The following ATP2C2 variants were observed in gnomAD, a reference collection of about 807,000 sequenced individuals.
The protein encoded by ATP2C2 is ATPase secretory pathway Ca2+ transporting 2, also known as calcium-transporting ATPase type 2C member 2.
A neutral mutation model predicts 110.8 loss-of-function variants in ATP2C2; 171 were observed. That is an observed-to-expected ratio of 1.54 (90% confidence interval 1.36 to 1.75). The LOEUF (loss-of-function observed/expected upper bound fraction) is 1.75, where lower values mean the gene tolerates loss of function less well. Ranked by LOEUF, ATP2C2 falls within the 40% of genes most tolerant of loss-of-function variation. The pLI is 0.00. For missense variants in ATP2C2, 1,963 were observed against 1,235.0 expected (o/e 1.59, Z -8.84); for synonymous variants, 804 against 508.4 (o/e 1.58, Z -7.82).
chr16:84,376,600 C>T lies in ATP2C2; in HGVS notation c.99+7886C>T, dbSNP rs112135612. Among the ~76,000 whole-genome samples the T allele has an allele frequency of 4.1e-3, 614 of 151,586 alleles. 4 individuals are homozygous for T. Among genetic ancestry groups the T allele is most frequent in the Middle Eastern group, 6.8e-3 (2 of 294 alleles). On this transcript the variant is annotated intron_variant, in intron 1 of 26. Coordinates refer to ENST00000262429, the MANE Select transcript of ATP2C2 (RefSeq NM_014861.4). ...AGTGTATTTTATGTGTGGCCCAAGACAATTCTTCTTCCAATGTGGCCCAGG... is the reference window on the plus strand; with the variant it reads ...AGTGTATTTTATGTGTGGCCCAAGATAATTCTTCTTCCAATGTGGCCCAGG...
chr16:84,405,282 T>C (rs774321726), intron 3 of ATP2C2, 38 bp downstream of exon 3: 6 of 1,540,970 alleles, frequency 3.9e-6, no homozygotes. Flanking sequence ...TTAACATGCA[T>C]AAGCCAGCGA....
intron 11 of ATP2C2, among the ~76,000 whole-genome samples, chr16:84,434,203 G>T (rs1908539088): frequency 6.6e-6 from 1 of 152,046 alleles, no homozygotes; most frequent in African/African-American, 2.4e-5. Context: ...GGATCATGAG[G>T]TCAAGAGATA....
intron 1 of ATP2C2, among the ~76,000 whole-genome samples, chr16:84,377,929 T>C (rs1910343543): frequency 6.6e-6 from 1 of 152,158 alleles, no homozygotes; most frequent in South Asian, 2.1e-4. Flanking sequence ...GGTGCCCCAC[T>C]AGCTGGGCCA....
chr16:84,442,533 G>T lies in ATP2C2; in HGVS notation c.1335G>T (p.Ala445=). ...AGGCGGGCTGTGTTGCCAACAATGC[G>T]GTCATCAGAAAGAACGCCGTGATGG... is the stretch of plus-strand genomic sequence containing the variant. ...LVEAGCVANN[A]VIRKNAVMGQ... is the part of the protein sequence containing the mutation. Residue 445 remains alanine, a synonymous_variant, in exon 15 of 27, where the codon GCG becomes GCT. Coordinates refer to ENST00000262429, the MANE Select transcript of ATP2C2 (RefSeq NM_014861.4). 3 of 1,614,028 alleles carry T rather than the reference G, an allele frequency of 1.9e-6. No homozygotes were observed. Among genetic ancestry groups the T allele is most frequent in the Non-Finnish European group, 8.5e-7 (1 of 1,179,952 alleles).
rs112540313 is a variant in ATP2C2, at chr16:84,370,675, C to CTTT, written c.99+1972_99+1974dup. Among the ~76,000 whole-genome samples the CTTT allele has an allele frequency of 3.4e-3, 494 of 143,804 alleles. 1 individual carries two copies. The highest frequency in any genetic ancestry group is 7.3e-3 in the Middle Eastern group (2 of 274). 94.3% of individuals were successfully genotyped at this position (143,804 alleles called of 152,430 possible). A position where few individuals can be genotyped will look rare whatever the true frequency, so the allele number is the denominator to read the frequency against. ...TCACTTCTACAATAGTTGGAATTGT[C>CTTT]TTTTTTTTTTTTTGCGTTATTTCAT... On this transcript the variant is annotated intron_variant, in intron 1 of 26. Transcript: ENST00000262429.
At chr16:84,442,646 C>G (rs763579008) in intron 15 of ATP2C2, 47 bp downstream of exon 15, 1 of 1,567,300 alleles carries the variant, frequency 6.4e-7, no homozygotes, top group Non-Finnish European at 8.8e-7. Flanking sequence ...TCGCTCGGGG[C>G]TGGATTCATT....
chr16:84,451,293 C>T (rs1910236903), intron 17 of ATP2C2, among the ~76,000 whole-genome samples: 1 of 152,146 alleles, frequency 6.6e-6, no homozygotes, highest in South Asian at 2.1e-4. Flanking sequence ...CACTGGGTCC[C>T]TCCCACAACA....
intron 3 of ATP2C2, among the ~76,000 whole-genome samples, chr16:84,406,866 C>T (rs921076024): frequency 2.6e-5 from 4 of 152,186 alleles, no homozygotes; most frequent in South Asian, 2.1e-4. Context: ...CCTCCTTCCT[C>T]GTTCCCCTCT....
chr16:84,403,228 A>G (rs942120921), intron 2 of ATP2C2, among the ~76,000 whole-genome samples: 5 of 151,990 alleles, frequency 3.3e-5, no homozygotes, highest in African/African-American at 1.2e-4. Context: ...AAAAAAAAAT[A>G]CTCTTGTTTC....
At chr16:84,383,035 C>T (rs1910675299) in intron 1 of ATP2C2, among the ~76,000 whole-genome samples, 1 of 152,180 alleles carries the variant, frequency 6.6e-6, no homozygotes, top group African/African-American at 2.4e-5. Flanking sequence ...AAGTGTGCCT[C>T]CTCTCCCAGG....
At chr16:84,407,394 T>C (rs893441835) in intron 3 of ATP2C2, 5 of 152,428 alleles carry the variant, frequency 3.3e-5, no homozygotes, top group Non-Finnish European at 7.3e-5. Flanking sequence ...AGGGCGTCGC[T>C]GGAGGGCAGG....
chr16:84,369,881 C>T (rs1317335851), intron 1 of ATP2C2, among the ~76,000 whole-genome samples: 2 of 152,156 alleles, frequency 1.3e-5, no homozygotes, highest in South Asian at 2.1e-4. Flanking sequence ...TGAGCAATCT[C>T]GATTTTTCTG....
At chr16:84,460,150 G>A (rs1911140274) in intron 23 of ATP2C2, 4 of 203,738 alleles carry the variant, frequency 2.0e-5, no homozygotes, top group Non-Finnish European at 4.0e-5. Context: ...CCCTCCCTGG[G>A]AGCAGAAGTG....
intron 4 of ATP2C2, among the ~76,000 whole-genome samples, chr16:84,408,974 C>G (rs1266485574): frequency 6.6e-6 from 1 of 152,112 alleles, no homozygotes; most frequent in African/African-American, 2.4e-5. Context: ...TGCCTAGTTC[C>G]AAAACATTTT....
At chr16:84,461,593 A>C in intron 24 of ATP2C2, 121 bp from the exon 25 acceptor site, 2 of 862,722 alleles carry the variant, frequency 2.3e-6, no homozygotes, top group Non-Finnish European at 3.9e-6. Context: ...TGACCGATTC[A>C]TGAGCTTGTA....
chr16:84,419,095 G>C (rs1036272817), intron 7 of ATP2C2, among the ~76,000 whole-genome samples: 1 of 151,102 alleles, frequency 6.6e-6, no homozygotes, highest in Non-Finnish European at 1.5e-5. Flanking sequence ...TGTAGTCCCA[G>C]CTACTCAGGA....
intron 7 of ATP2C2, among the ~76,000 whole-genome samples, chr16:84,418,205 C>T (rs1297201689): frequency 6.6e-6 from 1 of 152,210 alleles, no homozygotes; most frequent in African/African-American, 2.4e-5. Flanking sequence ...GGCATGAGCC[C>T]TGTGTGTGGG....
chr16:84,404,791 AT>A (rs932847235), intron 2 of ATP2C2: 17 of 351,574 alleles, frequency 4.8e-5, no homozygotes, highest in Non-Finnish European at 8.7e-5. Context: ...CAGCTGCACC[AT>A]TTTACATTCC....
chr16:84,428,894 G>T (rs1441205366), intron 11 of ATP2C2, among the ~76,000 whole-genome samples: 1 of 152,192 alleles, frequency 6.6e-6, no homozygotes, highest in African/African-American at 2.4e-5. Context: ...TTTCCCCCTA[G>T]ACCTGTTTGG....
Sources: allele counts gnomAD v4.1 joint callset (sites outside exome capture counted in the v4.1 genomes callset), GRCh38; gene constraint gnomAD v4.1.1; transcripts MANE v1.5; gene names NCBI Gene and HGNC (gene_info 2026-07-23, HGNC 2026-07-21).